The following ADAMTS6 variants were observed in gnomAD, a reference collection of about 807,000 sequenced individuals.
ADAMTS6 encodes ADAM metallopeptidase with thrombospondin type 1 motif 6.
A neutral mutation model predicts 144.3 loss-of-function variants in ADAMTS6; 23 were observed. The ratio of observed to expected loss-of-function variants is 0.16; its 90% CI spans 0.11 to 0.23. The LOEUF is 0.23. Ranked by LOEUF, ADAMTS6 falls within the 10% of genes least tolerant of loss-of-function variation. The pLI is 1.00. For missense variants in ADAMTS6, 999 were observed against 1,379.6 expected (o/e 0.72, Z 4.37); for synonymous variants, 444 against 457.5 (o/e 0.97, Z 0.38).
Position 65,372,124 on chromosome 5 carries a change from G to A in ADAMTS6, c.1074-38039C>T, listed in dbSNP as rs867530467. On this transcript the variant is annotated intron_variant, in intron 7 of 24. Coordinates refer to ENST00000381055, the MANE Select transcript of ADAMTS6 (RefSeq NM_197941.4). ...CCCTAAAAGAGCTCCTGAAGGAAGCGCTAAACATGGAAAGGAACAACCGGT... is the reference window on the plus strand; with the variant it reads ...CCCTAAAAGAGCTCCTGAAGGAAGCACTAAACATGGAAAGGAACAACCGGT... 2.2e-3 allele frequency among the ~76,000 whole-genome samples: 331 copies of A among 149,166 alleles called. 1 individual carries two copies. Among genetic ancestry groups the A allele is most frequent in the African/African-American group, 7.4e-3 (290 of 38,970 alleles).
intron 3 of ADAMTS6, among the ~76,000 whole-genome samples, chr5:65,461,682 G>C (rs1316075872): frequency 2.6e-5 from 4 of 152,174 alleles, no homozygotes; most frequent in Admixed American, 6.5e-5. Context: ...GGGTTCCATG[G>C]AAGTGCCCTC....
intron 7 of ADAMTS6, among the ~76,000 whole-genome samples, chr5:65,423,193 G>T (rs1051688759): frequency 2.0e-5 from 3 of 152,148 alleles, no homozygotes; most frequent in Non-Finnish European, 4.4e-5. Context: ...GGAGGGTGAG[G>T]AATAAAGAAG....
At chr5:65,293,115 C>T (rs1484184318) in intron 10 of ADAMTS6, among the ~76,000 whole-genome samples, 1 of 151,852 alleles carries the variant, frequency 6.6e-6, no homozygotes, top group African/African-American at 2.4e-5. Context: ...ACAAAGAGGT[C>T]ATATTTGAAT....
chr5:65,182,356 A>G (rs1754413393), intron 22 of ADAMTS6, among the ~76,000 whole-genome samples: 1 of 149,792 alleles, frequency 6.7e-6, no homozygotes, highest in Admixed American at 6.7e-5. Context: ...TAGGAAGAGA[A>G]TTGCTTGAAC....
intron 7 of ADAMTS6, among the ~76,000 whole-genome samples, chr5:65,344,993 C>A (rs113783204): frequency 4.0e-5 from 6 of 151,888 alleles, no homozygotes; most frequent in African/African-American, 1.4e-4. Context: ...TCTTACATAT[C>A]TCTCATCAAA....
intron 24 of ADAMTS6, among the ~76,000 whole-genome samples, chr5:65,161,100 G>A (rs1230209937): frequency 6.6e-6 from 1 of 151,998 alleles, no homozygotes; most frequent in East Asian, 1.9e-4. Context: ...GTGCAATGGT[G>A]TGATCATGGC....
intron 7 of ADAMTS6, among the ~76,000 whole-genome samples, chr5:65,437,263 T>C (rs1419403278): frequency 1.3e-5 from 2 of 151,860 alleles, no homozygotes; most frequent in African/African-American, 4.8e-5. Context: ...CCCAGATAAT[T>C]TTTTGCATTT....
At chr5:65,371,562 G>C (rs200690639) in intron 7 of ADAMTS6, among the ~76,000 whole-genome samples, 2,460 of 152,184 alleles carry the variant, frequency 0.016, 35 homozygotes, top group East Asian at 0.082. Context: ...GAGAAGGGAA[G>C]TTTAGAGAAA....
At chr5:65,347,246 C>A (rs1258255842) in intron 7 of ADAMTS6, among the ~76,000 whole-genome samples, 2 of 151,682 alleles carry the variant, frequency 1.3e-5, no homozygotes, top group African/African-American at 4.8e-5. Flanking sequence ...GCCACAGCAA[C>A]CTTCAACAAA....
chr5:65,320,554 CTT>C (rs879889532), intron 9 of ADAMTS6, among the ~76,000 whole-genome samples: 20 of 143,946 alleles, frequency 1.4e-4, no homozygotes, highest in Non-Finnish European at 2.0e-4. Context: ...TATTTTCTCT[CTT>C]TTTTTTTTTT....
Position 65,197,152 on chromosome 5 carries a change from C to G in ADAMTS6, c.2576-1G>C. ...CAGACCACCTCCTGTCTTTGGACAC[C>G]TTGAGAAAAGGAGGACATCATTAAT... is the stretch of plus-strand genomic sequence containing the variant. On this transcript the variant is annotated splice_acceptor_variant, in intron 20 of 24. Coordinates refer to ENST00000381055, the MANE Select transcript of ADAMTS6 (RefSeq NM_197941.4). LOFTEE classifies it high-confidence loss of function. 1 of 1,612,808 alleles carries G rather than the reference C, an allele frequency of 6.2e-7. No individual in the cohort carries two copies. The highest frequency in any genetic ancestry group is 8.5e-7 in the Non-Finnish European group (1 of 1,179,444).
intron 7 of ADAMTS6, among the ~76,000 whole-genome samples, chr5:65,338,865 T>C (rs544697860): frequency 6.6e-6 from 1 of 152,168 alleles, no homozygotes; most frequent in East Asian, 1.9e-4. Flanking sequence ...CCCAGCAGAC[T>C]TGCCACCAAG....
At chr5:65,447,525 C>T (rs1758361112) in intron 7 of ADAMTS6, among the ~76,000 whole-genome samples, 1 of 151,986 alleles carries the variant, frequency 6.6e-6, no homozygotes, top group African/African-American at 2.4e-5. Context: ...AGACAATTTG[C>T]AAGTTTTATA....
intron 7 of ADAMTS6, among the ~76,000 whole-genome samples, chr5:65,442,013 C>T (rs185387515): frequency 5.4e-4 from 82 of 150,976 alleles, no homozygotes; most frequent in Non-Finnish European, 7.1e-4. Context: ...ACACAACTTC[C>T]GCCATAAGGA....
At chr5:65,197,770 C>T (rs1038997515) in intron 20 of ADAMTS6, among the ~76,000 whole-genome samples, 1 of 152,154 alleles carries the variant, frequency 6.6e-6, no homozygotes, top group African/African-American at 2.4e-5. Flanking sequence ...GAGTTGACCC[C>T]TGTTGATTAT....
In ADAMTS6 at chr5:65,222,812, A is replaced by C. The variant is rs150400780; in HGVS notation, c.2272+1508T>G. ...TATCTTTGCAATATTGGAGCAGGTA[A>C]AATTTCTAAGATAGGACATGAAAGC... On this transcript the variant is annotated intron_variant, in intron 18 of 24. Transcript: ENST00000381055. 5.1e-3 allele frequency among the ~76,000 whole-genome samples: 769 copies of C among 152,132 alleles called. 12 individuals are homozygous for C. Among genetic ancestry groups the C allele is most frequent in the African/African-American group, 0.017 (721 of 41,548 alleles).
intron 7 of ADAMTS6, among the ~76,000 whole-genome samples, chr5:65,401,993 T>C (rs1201601592): frequency 6.6e-6 from 1 of 152,138 alleles, no homozygotes; most frequent in Non-Finnish European, 1.5e-5. Flanking sequence ...TGGCCTCTCA[T>C]TTATTTAACA....
chr5:65,180,332 T>C (rs567177233), intron 22 of ADAMTS6, among the ~76,000 whole-genome samples: 90 of 152,280 alleles, frequency 5.9e-4, no homozygotes, highest in African/African-American at 2.2e-3. Context: ...GATAACACAA[T>C]TTTTTCAGTG....
intron 14 of ADAMTS6, among the ~76,000 whole-genome samples, chr5:65,247,587 G>A (rs1759742848): frequency 6.6e-6 from 1 of 152,050 alleles, no homozygotes; most frequent in East Asian, 1.9e-4. Flanking sequence ...TGAAAATGAG[G>A]AAAATTCTGA....
Sources: gnomAD v4.1 joint callset for allele counts (sites outside exome capture counted in the v4.1 genomes callset) on GRCh38, gnomAD v4.1.1 for gene constraint, MANE v1.5 for transcripts, NCBI Gene and HGNC (gene_info 2026-07-23, HGNC 2026-07-21) for gene names.